STRN: variants seen among roughly 807,000 people sequenced by gnomAD.
STRN encodes the protein striatin.
A neutral mutation model predicts 96.3 loss-of-function variants in STRN; 53 were observed. That is an observed-to-expected ratio of 0.55 (90% CI 0.44 to 0.69). The LOEUF is 0.69. Among genes scored for constraint, STRN ranks in the 30% least tolerant of loss-of-function variants. The pLI is 0.00. For missense variants in STRN, 987 were observed against 963.9 expected (o/e 1.02, Z -0.32); for synonymous variants, 428 against 355.9 (o/e 1.20, Z -2.28).
At chr2:36,863,138 T>C (rs1668535386) in intron 12 of STRN, among the ~76,000 whole-genome samples, 1 of 152,202 alleles carries the variant, frequency 6.6e-6, no homozygotes, top group Non-Finnish European at 1.5e-5. Context: ...ATTTACGCTG[T>C]TGATCGTTCT....
chr2:36,947,045 G>C (rs1295091829), intron 1 of STRN, among the ~76,000 whole-genome samples: 2 of 151,976 alleles, frequency 1.3e-5, no homozygotes, highest in Admixed American at 6.6e-5. Flanking sequence ...ACAGGCACGT[G>C]CCACCAGGCC....
intron 2 of STRN, among the ~76,000 whole-genome samples, chr2:36,917,538 G>GAAAAAAAAAAAAAAAAAAAAAAAAA (rs576754026): frequency 1.1e-5 from 1 of 88,664 alleles, no homozygotes; most frequent in Non-Finnish European, 2.6e-5. Flanking sequence ...ACAAAAAAAA[G>GAAAAAAAAAAAAAAAAAAAAAAAAA]AAAAAAAAAA....
chr2:36,923,445 C>CAAA lies in STRN; in HGVS notation c.338+1657_338+1659dup, dbSNP rs1200328345. On this transcript the variant is annotated intron_variant, in intron 2 of 17. Transcript: ENST00000263918. ...CAGCCTAGGCAACAAAGCAGGACTCCAAAAAAAAAAAAAAAAAAACAACTC... is the reference window on the plus strand; with the variant it reads ...CAGCCTAGGCAACAAAGCAGGACTCCAAAAAAAAAAAAAAAAAAAAAACAACTC... Among the ~76,000 whole-genome samples the CAAA allele has an allele frequency of 9.6e-3, 562 of 58,272 alleles. 3 individuals are homozygous for CAAA. Among genetic ancestry groups the CAAA allele is most frequent in the African/African-American group, 0.028 (457 of 16,460 alleles). The allele number at this position is 58,272 out of a possible 152,430, so 38.2% of individuals were successfully genotyped here.
intron 3 of STRN, among the ~76,000 whole-genome samples, chr2:36,910,173 CAAAAAAAAA>C (rs146718686): frequency 8.9e-6 from 1 of 112,954 alleles, no homozygotes; most frequent in Admixed American, 9.7e-5. Context: ...GACTTTGTCT[CAAAAAAAAA>C]AAAAAAAAAA....
intron 1 of STRN, among the ~76,000 whole-genome samples, chr2:36,952,372 A>G (rs1453188491): frequency 6.6e-6 from 1 of 151,426 alleles, no homozygotes; most frequent in Non-Finnish European, 1.5e-5. Flanking sequence ...GAATCTTGAA[A>G]GATGATTAGA....
At chr2:36,913,252 C>T (rs1381204131) in intron 3 of STRN, among the ~76,000 whole-genome samples, 3 of 152,166 alleles carry the variant, frequency 2.0e-5, no homozygotes, top group African/African-American at 7.2e-5. Context: ...GCGTGAACTA[C>T]TTAACATGTT....
chr2:36,959,732 A>G (rs935710880), intron 1 of STRN, among the ~76,000 whole-genome samples: 6 of 152,252 alleles, frequency 3.9e-5, no homozygotes, highest in African/African-American at 1.2e-4. Flanking sequence ...GAATACTAAT[A>G]AAAGTGTTGA....
Position 36,948,081 on chromosome 2 carries a change from C to CTTTTTTTT in STRN, c.234+18141_234+18148dup, listed in dbSNP as rs553351693. On this transcript the variant is annotated intron_variant, in intron 1 of 17. Transcript: ENST00000263918. ...TCTCCTCTATAATTATCAGTGCACT[C>CTTTTTTTT]TTTTTTTTTTTTTTTTTTTTTTTTT... Among the ~76,000 whole-genome samples the CTTTTTTTT allele has an allele frequency of 9.2e-4, 63 of 68,134 alleles. 14 individuals are homozygous for CTTTTTTTT. Among genetic ancestry groups the CTTTTTTTT allele is most frequent in the African/African-American group, 1.3e-3 (21 of 15,884 alleles). 44.7% of individuals were successfully genotyped at this position (68,134 alleles called of 152,430 possible).
chr2:36,851,250 C>G, intron 15 of STRN, 143 bp from the exon 16 acceptor site: 4 of 562,404 alleles, frequency 7.1e-6, no homozygotes, highest in Non-Finnish European at 9.2e-6. Flanking sequence ...GTTGGGAGGC[C>G]AAGGTGGGTG....
intron 1 of STRN, among the ~76,000 whole-genome samples, chr2:36,951,555 A>C (rs1192672962): frequency 1.3e-5 from 2 of 152,226 alleles, no homozygotes; most frequent in Non-Finnish European, 2.9e-5. Context: ...TCTGAAACAC[A>C]GGTCCTGCCC....
intron 1 of STRN, among the ~76,000 whole-genome samples, chr2:36,929,253 T>A (rs954684553): frequency 1.3e-5 from 2 of 152,240 alleles, no homozygotes; most frequent in African/African-American, 4.8e-5. Flanking sequence ...TATTTTCAAT[T>A]CTAATTTGTC....
At chr2:36,897,443 A>G (rs1237506471) in intron 6 of STRN, among the ~76,000 whole-genome samples, 2 of 149,634 alleles carry the variant, frequency 1.3e-5, no homozygotes, top group Non-Finnish European at 3.0e-5. Flanking sequence ...AAATATATAT[A>G]TATTTTTTTT....
At chr2:36,883,169 G>T (rs1006060166) in intron 9 of STRN, among the ~76,000 whole-genome samples, 1 of 151,864 alleles carries the variant, frequency 6.6e-6, no homozygotes, top group Non-Finnish European at 1.5e-5. Flanking sequence ...GTATATACAT[G>T]TGAGGCCAGG....
intron 5 of STRN, 24 bp from the exon 6 acceptor site, chr2:36,899,682 G>A: frequency 6.4e-7 from 1 of 1,555,366 alleles, no homozygotes; most frequent in Non-Finnish European, 8.7e-7. Flanking sequence ...TGTATATCCT[G>A]CTTAGTTAAT....
intron 14 of STRN, among the ~76,000 whole-genome samples, chr2:36,856,478 T>C (rs547897904): frequency 1.3e-5 from 2 of 152,138 alleles, no homozygotes; most frequent in African/African-American, 2.4e-5. Context: ...ATAATTGATA[T>C]AACACAAATG....
At chr2:36,919,712 T>C (rs1369685429) in intron 2 of STRN, among the ~76,000 whole-genome samples, 1 of 152,118 alleles carries the variant, frequency 6.6e-6, no homozygotes, top group Non-Finnish European at 1.5e-5. Flanking sequence ...AATATGGAAA[T>C]ACTAGAAGCA....
chr2:36,899,969 G>C (rs1669641627), intron 5 of STRN, among the ~76,000 whole-genome samples: 1 of 151,998 alleles, frequency 6.6e-6, no homozygotes, highest in Non-Finnish European at 1.5e-5. Flanking sequence ...ACTCACTCCA[G>C]TCTCCGCCTC....
Position 36,843,449 on chromosome 2 carries a change from T to C in STRN, c.*6007A>G, listed in dbSNP as rs1667994759. Reference sequence around the variant, plus strand: ...TGTATTTATATATGTGTATAAATTTTAAAAGCCATTTAAACTGAACATTTG... The same window carrying C: ...TGTATTTATATATGTGTATAAATTTCAAAAGCCATTTAAACTGAACATTTG... On this transcript the variant is annotated 3_prime_UTR_variant, in exon 18 of 18. Transcript: ENST00000263918. Among the ~76,000 whole-genome samples the C allele has an allele frequency of 6.6e-6, 1 of 152,200 alleles. No individual in the cohort carries two copies. Among genetic ancestry groups the C allele is most frequent in the Non-Finnish European group, 1.5e-5 (1 of 68,028 alleles).
chr2:36,851,080 C>G lies in STRN; in HGVS notation c.2006G>C (p.Arg669Thr). The change falls in exon 16 of 18, where the codon AGA (arginine) becomes ACA (threonine). Residue 669 changes from arginine (R) to threonine (T), a missense_variant. Physicochemically the swap from Arg to Thr is moderately conservative, Grantham distance 71 (BLOSUM62 -1). Transcript: ENST00000263918. ...CGGAAGAGTAGGATGACTGATGACT[C>G]TATTTATTTGGCAGGAAGAGTTGGC... ...TTANSSCQIN[R>T]VISHPTLPIS... The G allele has an allele frequency of 6.2e-7, 1 of 1,613,218 alleles. No individual in the cohort carries two copies. Among genetic ancestry groups the G allele is most frequent in the Non-Finnish European group, 8.5e-7 (1 of 1,179,674 alleles).
Sources: gnomAD v4.1 joint callset for allele counts (sites outside exome capture counted in the v4.1 genomes callset) on GRCh38, gnomAD v4.1.1 for gene constraint, MANE v1.5 for transcripts, NCBI Gene and HGNC (gene_info 2026-07-23, HGNC 2026-07-21) for gene names.